Variants in SCHIP1 observed in about 807,000 individuals in gnomAD.
SCHIP1 encodes schwannomin-interacting protein 1.
SCHIP1 carries 8 observed loss-of-function variants against 29.7 expected under a neutral mutation model. That is an observed-to-expected ratio of 0.27 (90% confidence interval 0.16 to 0.49). The LOEUF (loss-of-function observed/expected upper bound fraction) is 0.49. Ranked by LOEUF, SCHIP1 falls within the 20% of genes least tolerant of loss-of-function variation. The pLI, the probability that SCHIP1 is intolerant of heterozygous loss-of-function variation, is 0.99. For synonymous variants in SCHIP1, 76 were observed against 94.9 expected (o/e 0.80, Z 1.16); for missense variants, 193 against 294.6 (o/e 0.66, Z 2.52).
At chr3:159,398,537 A>G in the SCHIP1 span, among the ~76,000 whole-genome samples, 5 of 152,226 alleles carry the variant, frequency 3.3e-5, no homozygotes, top group African/African-American at 2.4e-5. Flanking sequence ...GCATGTTAGC[A>G]TGAAAGTAAG....
At chr3:159,295,556 G>A in the SCHIP1 span, among the ~76,000 whole-genome samples, 2 of 151,718 alleles carry the variant, frequency 1.3e-5, no homozygotes, top group Admixed American at 1.3e-4. Flanking sequence ...TTTTCTTTCT[G>A]CCTCCAGCAG....
At chr3:159,297,134 G>GTGTGTT in the SCHIP1 span, among the ~76,000 whole-genome samples, 1 of 123,346 alleles carries the variant, frequency 8.1e-6, no homozygotes, top group Non-Finnish European at 1.6e-5. Flanking sequence ...CATTGTGTGT[G>GTGTGTT]TGTGTGTGTG....
chr3:159,487,186 G>A, the SCHIP1 span, among the ~76,000 whole-genome samples: 528 of 152,326 alleles, frequency 3.5e-3, 8 homozygotes, highest in African/African-American at 0.012. Flanking sequence ...GAATGTGGGT[G>A]TGCAATTGAG....
the SCHIP1 span, among the ~76,000 whole-genome samples, chr3:159,666,038 T>A: frequency 1.2e-4 from 19 of 152,280 alleles, no homozygotes; most frequent in East Asian, 3.3e-3. Context: ...CAGAGAGGAA[T>A]ACGTTTACCT....
At chr3:159,363,544 T>G in the SCHIP1 span, among the ~76,000 whole-genome samples, 2 of 152,156 alleles carry the variant, frequency 1.3e-5, no homozygotes, top group Non-Finnish European at 2.9e-5. Context: ...CAGATAGACA[T>G]CTGTGCAAGT....
the SCHIP1 span, among the ~76,000 whole-genome samples, chr3:159,822,553 C>T: frequency 0.061 from 9,271 of 150,854 alleles, 913 homozygotes; most frequent in African/African-American, 0.21. Flanking sequence ...TGGAAAAAGA[C>T]GGAATTTACA....
the SCHIP1 span, among the ~76,000 whole-genome samples, chr3:159,504,045 T>C: frequency 5.3e-5 from 8 of 152,222 alleles, no homozygotes; most frequent in Non-Finnish European, 1.2e-4. Flanking sequence ...GGCCAGAGGC[T>C]GTTAAGTATA....
At chr3:159,569,324 C>A in the SCHIP1 span, among the ~76,000 whole-genome samples, 1 of 152,144 alleles carries the variant, frequency 6.6e-6, no homozygotes, top group Non-Finnish European at 1.5e-5. Flanking sequence ...CCTAGCCCCC[C>A]ACACACCAAC....
the SCHIP1 span, among the ~76,000 whole-genome samples, chr3:159,378,634 T>C: frequency 4.2e-4 from 64 of 152,328 alleles, no homozygotes; most frequent in Admixed American, 1.8e-3. Flanking sequence ...CTTCACTCTT[T>C]GAACTCCCGG....
chr3:159,346,260 C>G, the SCHIP1 span, among the ~76,000 whole-genome samples: 1 of 146,192 alleles, frequency 6.8e-6, no homozygotes, highest in Non-Finnish European at 1.5e-5. Flanking sequence ...GAATAAGCAC[C>G]CTTTCAGGTT....
At chr3:159,314,605 C>T in the SCHIP1 span, among the ~76,000 whole-genome samples, 1 of 152,158 alleles carries the variant, frequency 6.6e-6, no homozygotes, top group Non-Finnish European at 1.5e-5. Flanking sequence ...TTGCTTAAAA[C>T]TGTGGCTACC....
At chr3:159,699,911 A>C in the SCHIP1 span, among the ~76,000 whole-genome samples, 1 of 152,244 alleles carries the variant, frequency 6.6e-6, no homozygotes, top group Non-Finnish European at 1.5e-5. Context: ...GAAGGAAAGG[A>C]GAGCTGGAGA....
the SCHIP1 span, among the ~76,000 whole-genome samples, chr3:159,485,583 A>G: frequency 6.6e-6 from 1 of 152,144 alleles, no homozygotes; most frequent in African/African-American, 2.4e-5. Context: ...AATTAAAGTA[A>G]TATGTTTATG....
chr3:159,395,922 TTAAATTCTCCCATTA>T, the SCHIP1 span, among the ~76,000 whole-genome samples: 1 of 152,132 alleles, frequency 6.6e-6, no homozygotes, highest in Non-Finnish European at 1.5e-5. Context: ...CAGTGGGGTG[TTAAATTCTCCCATTA>T]TTAACGTGTG....
the SCHIP1 span, among the ~76,000 whole-genome samples, chr3:159,699,183 G>T: frequency 6.6e-6 from 1 of 151,982 alleles, no homozygotes; most frequent in Non-Finnish European, 1.5e-5. Context: ...TATTCTTTGG[G>T]CATTTACCAC....
the SCHIP1 span, among the ~76,000 whole-genome samples, chr3:159,528,476 C>T: frequency 6.6e-6 from 1 of 152,178 alleles, no homozygotes. Flanking sequence ...GACCCGCTGG[C>T]AGTGGCGACT....
At chr3:159,549,717 C>T in the SCHIP1 span, among the ~76,000 whole-genome samples, 2 of 152,192 alleles carry the variant, frequency 1.3e-5, no homozygotes, top group Admixed American at 1.3e-4. Flanking sequence ...GTTATGGCAG[C>T]CTGAGAAGAC....
At chr3:159,720,103 T>A in the SCHIP1 span, among the ~76,000 whole-genome samples, 1 of 151,986 alleles carries the variant, frequency 6.6e-6, no homozygotes. Flanking sequence ...CTGGAAACCA[T>A]CATTCTGAGC....
chr3:159,600,132 T>A, the SCHIP1 span, among the ~76,000 whole-genome samples: 2 of 152,154 alleles, frequency 1.3e-5, no homozygotes, highest in Non-Finnish European at 2.9e-5. Context: ...TTTCATGTTG[T>A]TTTTAGGACT....
Sources: allele counts gnomAD v4.1 joint callset (sites outside exome capture counted in the v4.1 genomes callset), GRCh38; gene constraint gnomAD v4.1.1; transcripts MANE v1.5; gene names NCBI Gene and HGNC (gene_info 2026-07-23, HGNC 2026-07-21).